PPP2R3A: variants seen among roughly 807,000 people sequenced by gnomAD.
The protein encoded by PPP2R3A is serine/threonine-protein phosphatase 2A regulatory subunit B'' subunit alpha.
A neutral mutation model predicts 106.9 loss-of-function variants in PPP2R3A; 80 were observed. The ratio of observed to expected loss-of-function variants is 0.75; its 90% CI spans 0.62 to 0.90. PPP2R3A has a LOEUF of 0.90. Among genes scored for constraint, PPP2R3A ranks in the 40% least tolerant of loss-of-function variants. The pLI, the probability that PPP2R3A is intolerant of heterozygous loss-of-function variation, is 0.00. For synonymous variants in PPP2R3A, 483 were observed against 468.3 expected, an observed-to-expected ratio of 1.03 and a Z score of -0.41; for missense variants, 1,386 against 1,350.4, an observed-to-expected ratio of 1.03 and a Z score of -0.41.
chr3:136,016,881 G>T (rs542758049), intron 2 of PPP2R3A, among the ~76,000 whole-genome samples: 2 of 151,978 alleles, frequency 1.3e-5, no homozygotes, highest in African/African-American at 4.8e-5. Flanking sequence ...TACCTTGGGG[G>T]TTTTTTCATT....
intron 13 of PPP2R3A, among the ~76,000 whole-genome samples, chr3:136,108,000 C>T (rs559642852): frequency 1.5e-4 from 23 of 152,188 alleles, no homozygotes; most frequent in African/African-American, 5.1e-4. Context: ...ATCACTTGAG[C>T]CCAGGAGTTC....
rs568555608 is a variant in PPP2R3A, at chr3:136,144,338, G to A, written c.3330-705G>A. Among the ~76,000 whole-genome samples, 4 of 152,292 alleles carry A rather than the reference G, an allele frequency of 2.6e-5. No homozygotes were observed. The East Asian group carries it at 7.7e-4, about 29-fold the overall frequency. ...TTGTGTTGCTTGGAAGCCACGGAGGGAAGCTATAAAGCAATCTGAGAGTTG... is the reference window on the plus strand; with the variant it reads ...TTGTGTTGCTTGGAAGCCACGGAGGAAAGCTATAAAGCAATCTGAGAGTTG... On this transcript the variant is annotated intron_variant, in intron 13 of 13. Coordinates refer to ENST00000264977, the MANE Select transcript of PPP2R3A (RefSeq NM_002718.5).
intron 10 of PPP2R3A, among the ~76,000 whole-genome samples, 193 bp from the exon 11 acceptor site, chr3:136,101,814 G>A (rs886918556): frequency 1.3e-5 from 2 of 152,176 alleles, no homozygotes; most frequent in African/African-American, 2.4e-5. Context: ...AAATGGGGTT[G>A]AACACGGTTG....
At chr3:136,010,905 A>C (rs933311375) in intron 2 of PPP2R3A, among the ~76,000 whole-genome samples, 20 of 152,190 alleles carry the variant, frequency 1.3e-4, no homozygotes, top group Admixed American at 7.2e-4. Context: ...TCCCAGCTTT[A>C]AAACAAAACA....
intron 2 of PPP2R3A, chr3:136,022,795 C>G: frequency 8.4e-7 from 1 of 1,197,070 alleles, no homozygotes; most frequent in African/African-American, 1.6e-5. Context: ...AAGCTACCAA[C>G]AAGGAGCAAC....
intron 1 of PPP2R3A, among the ~76,000 whole-genome samples, chr3:135,999,024 A>G (rs573873522): frequency 3.9e-5 from 6 of 152,308 alleles, no homozygotes; most frequent in Non-Finnish European, 8.8e-5. Context: ...CTCACTCCCA[A>G]TAGCTGCTGT....
At chr3:135,969,510 A>G (rs1937181182) in intron 1 of PPP2R3A, among the ~76,000 whole-genome samples, 1 of 152,222 alleles carries the variant, frequency 6.6e-6, no homozygotes, top group Non-Finnish European at 1.5e-5. Context: ...AGTTTAAATC[A>G]CAGTTTACAT....
intron 13 of PPP2R3A, among the ~76,000 whole-genome samples, chr3:136,120,919 TAAAA>T (rs966325405): frequency 6.6e-6 from 1 of 151,146 alleles, no homozygotes; most frequent in Non-Finnish European, 1.5e-5. Flanking sequence ...CTTAAAAAGT[TAAAA>T]AAAAATCACA....
chr3:136,064,416 A>T (rs562187547), intron 5 of PPP2R3A, among the ~76,000 whole-genome samples: 1 of 150,498 alleles, frequency 6.6e-6, no homozygotes, highest in East Asian at 1.9e-4. Flanking sequence ...TTAAAGTATA[A>T]AAAAAAAATA....
chr3:136,076,388 A>G (rs1384429341), intron 6 of PPP2R3A, among the ~76,000 whole-genome samples: 1 of 152,216 alleles, frequency 6.6e-6, no homozygotes, highest in Non-Finnish European at 1.5e-5. Context: ...TTTTGAATAT[A>G]GTTACACTTA....
intron 5 of PPP2R3A, among the ~76,000 whole-genome samples, chr3:136,070,208 G>A (rs908891607): frequency 2.6e-5 from 4 of 152,132 alleles, no homozygotes; most frequent in Non-Finnish European, 4.4e-5. Flanking sequence ...TAGAATTACA[G>A]TACATACCTC....
chr3:136,102,952 ATAT>A (rs1192131478), intron 11 of PPP2R3A, among the ~76,000 whole-genome samples: 2 of 152,254 alleles, frequency 1.3e-5, no homozygotes, highest in South Asian at 2.1e-4. Flanking sequence ...TGGGGTGATG[ATAT>A]TATTACAGAA....
chr3:136,058,424 A>G (rs892459266), intron 5 of PPP2R3A, among the ~76,000 whole-genome samples: 2 of 152,188 alleles, frequency 1.3e-5, no homozygotes, highest in Non-Finnish European at 1.5e-5. Context: ...AATTGCCACA[A>G]AAAGAATAAA....
chr3:136,006,201 G>A (rs1933838232), intron 2 of PPP2R3A, among the ~76,000 whole-genome samples: 1 of 152,114 alleles, frequency 6.6e-6, no homozygotes, highest in Non-Finnish European at 1.5e-5. Flanking sequence ...TTTTAAATAA[G>A]TTTCAATATC....
intron 3 of PPP2R3A, among the ~76,000 whole-genome samples, chr3:136,028,698 C>G (rs1305363938): frequency 2.6e-5 from 4 of 152,136 alleles, no homozygotes; most frequent in African/African-American, 2.4e-5. Flanking sequence ...ATGACAGAAC[C>G]CTGATGATAA....
intron 1 of PPP2R3A, among the ~76,000 whole-genome samples, chr3:135,974,812 T>TGAAAAA (rs1937366370): frequency 6.6e-6 from 1 of 152,238 alleles, no homozygotes; most frequent in South Asian, 2.1e-4. Context: ...TTCCTCCAGT[T>TGAAAAA]GAAAAAGCAG....
chr3:136,003,584 T>C (rs1230211130), intron 2 of PPP2R3A, 91 bp downstream of exon 2: 4 of 1,244,240 alleles, frequency 3.2e-6, no homozygotes, highest in African/African-American at 1.5e-5. Context: ...TGTTAGCCAT[T>C]TTTTGTTCTA....
Position 136,040,924 on chromosome 3 carries a change from A to G in PPP2R3A, c.2328A>G (p.Gly776=). The G allele has an allele frequency of 1.9e-6, 3 of 1,613,706 alleles. No homozygotes were observed. Among genetic ancestry groups the G allele is most frequent in the Non-Finnish European group, 2.5e-6 (3 of 1,179,830 alleles). The part of the protein sequence containing the change: ...MFRAAGGEKT[G]FVTAQSFIAM... ...GGGCTGCAGGGGGAGAGAAGACAGG[A>G]TTTGTGACAGCACAGTCATTCATTG... Residue 776 remains glycine, a synonymous_variant, in exon 4 of 14, where the codon GGA becomes GGG. Transcript: ENST00000264977.
intron 13 of PPP2R3A, among the ~76,000 whole-genome samples, chr3:136,124,395 ATTG>A (rs1938108465): frequency 6.6e-6 from 1 of 152,112 alleles, no homozygotes. Flanking sequence ...AAGCAAGAGG[ATTG>A]CTTGAACCCA....
Sources: allele counts gnomAD v4.1 joint callset (sites outside exome capture counted in the v4.1 genomes callset), GRCh38; gene constraint gnomAD v4.1.1; transcripts MANE v1.5; gene names NCBI Gene and HGNC (gene_info 2026-07-23, HGNC 2026-07-21).